The following SPTB variants were observed in gnomAD, a reference collection of about 807,000 sequenced individuals.
SPTB encodes spectrin beta chain, erythrocytic.
SPTB carries 45 observed loss-of-function variants against 256.2 expected under a neutral mutation model. That is an observed-to-expected ratio of 0.18 (90% CI 0.14 to 0.23). SPTB has a LOEUF of 0.23. Among genes scored for constraint, SPTB ranks in the 10% least tolerant of loss-of-function variants. The pLI, the probability that SPTB is intolerant of heterozygous loss-of-function variation, is 1.00. For synonymous variants in SPTB, 1,231 were observed against 1,243.1 expected, an observed-to-expected ratio of 0.99 and a Z score of 0.21; for missense variants, 2,715 against 3,040.4, an observed-to-expected ratio of 0.89 and a Z score of 2.52.
intron 2 of SPTB, among the ~76,000 whole-genome samples, chr14:64,809,439 GAGTT>G (rs557749709): frequency 2.1e-3 from 321 of 150,888 alleles, no homozygotes; most frequent in African/African-American, 7.7e-3. Flanking sequence ...TCCGCCTCCC[GAGTT>G]CAAGCGATTC....
At chr14:64,858,230 A>G (rs1456432139) in intron 1 of SPTB, among the ~76,000 whole-genome samples, 2 of 152,240 alleles carry the variant, frequency 1.3e-5, no homozygotes, top group African/African-American at 2.4e-5. Flanking sequence ...CTCACGGTGC[A>G]GTAAACAGAG....
rs1041615989 is a variant in SPTB at position 64,796,382 on chromosome 14, A to C, written c.1341+175T>G. The stretch of plus-strand genomic sequence containing the variant: ...TCTTTCCTAAAAATGAGATTTAATA[A>C]ATCCTGGAGAGCTCCTCCCCAGATG... On this transcript the variant is annotated intron_variant, in intron 11 of 35. Coordinates refer to ENST00000644917, the MANE Select transcript of SPTB (RefSeq NM_001355436.2). The surrounding 1 kb of genome is among the most constrained non-coding windows in gnomAD (Gnocchi z 4.1). Among the ~76,000 whole-genome samples, 1 of 152,108 alleles carries C rather than the reference A, an allele frequency of 6.6e-6. No individual in the cohort carries two copies. Among genetic ancestry groups the C allele is most frequent in the African/African-American group, 2.4e-5 (1 of 41,420 alleles).
intron 1 of SPTB, among the ~76,000 whole-genome samples, chr14:64,870,372 G>A (rs969582989): frequency 6.6e-6 from 1 of 151,416 alleles, no homozygotes; most frequent in African/African-American, 2.4e-5. Flanking sequence ...ACAGCAAGAG[G>A]AAAGGAGCTG....
rs1222904860 is a variant in SPTB at position 64,792,423 on chromosome 14, T to C, written c.2667-567A>G. ...TCAGTGCAGCACCACCTTGGCACTG[T>C]TCCAGAGAGCGGCCTCTCCTTCTCC... On this transcript the variant is annotated intron_variant, in intron 14 of 35. Coordinates refer to ENST00000644917, the MANE Select transcript of SPTB (RefSeq NM_001355436.2). The surrounding 1 kb of genome is among the most constrained non-coding windows in gnomAD (Gnocchi z 4.2). Among the ~76,000 whole-genome samples, 1 of 152,188 alleles carries C rather than the reference T, an allele frequency of 6.6e-6. No homozygotes were observed. The highest frequency in any genetic ancestry group is 1.5e-5 in the Non-Finnish European group (1 of 68,030).
rs2082871239 is a variant in SPTB at position 64,800,852 on chromosome 14, G to A, written c.780C>T (p.Asn260=). The A allele has an allele frequency of 6.2e-7, 1 of 1,614,046 alleles. No homozygotes were observed. Among genetic ancestry groups the A allele is most frequent in the Non-Finnish European group, 8.5e-7 (1 of 1,179,958 alleles). The change falls in exon 8 of 36, where the codon AAC becomes AAT. Residue 260 remains asparagine, a synonymous_variant. Coordinates refer to ENST00000644917, the MANE Select transcript of SPTB (RefSeq NM_001355436.2). ...AGGTGATGATGGATTTCTCATCAGG[G>A]TTTTCCGTAAAGACATCTGTTAGGG... is the stretch of plus-strand genomic sequence containing the variant. ...LLDPEDVFTE[N]PDEKSIITYV... is the part of the protein sequence containing the mutation.
chr14:64,842,631 G>A (rs1260507881), intron 1 of SPTB, among the ~76,000 whole-genome samples: 3 of 152,252 alleles, frequency 2.0e-5, no homozygotes. Context: ...CAGACACGGA[G>A]TATACAGGCT....
intron 1 of SPTB, among the ~76,000 whole-genome samples, chr14:64,833,565 G>C (rs1453858152): frequency 6.8e-6 from 1 of 148,132 alleles, no homozygotes; most frequent in East Asian, 2.0e-4. Context: ...AAAAAAAAAA[G>C]AAAAGAAACC....
intron 32 of SPTB, chr14:64,763,851 G>A (rs1230024334): frequency 9.6e-6 from 5 of 518,922 alleles, no homozygotes; most frequent in African/African-American, 1.9e-5. Context: ...TGATGTGCTT[G>A]AGAAAGAGGC....
chr14:64,801,962 G>T, intron 5 of SPTB, 128 bp from the exon 6 acceptor site: 1 of 970,946 alleles, frequency 1.0e-6, no homozygotes, highest in Non-Finnish European at 1.6e-6. Flanking sequence ...GTCACCAAGA[G>T]GGGGCAGCAG....
rs1250627127 is a variant in SPTB at position 64,824,795 on chromosome 14, T to C, written c.-51-1650A>G. Among the ~76,000 whole-genome samples the C allele has an allele frequency of 6.6e-6, 1 of 152,210 alleles. No individual in the cohort carries two copies. The highest frequency in any genetic ancestry group is 1.5e-5 in the Non-Finnish European group (1 of 68,034). On this transcript the variant is annotated intron_variant, in intron 1 of 35. Transcript: ENST00000644917. This position sits in a 1 kb window ranked among gnomAD's most constrained non-coding sequence, Gnocchi z 5.7. ...CACATTCACCAGCCCAAGTGTGAGA[T>C]GGCAGCAGGGCTACAGCCTTATTTT...
Position 64,796,459 on chromosome 14 carries a change from G to C in SPTB, c.1341+98C>G. The stretch of plus-strand genomic sequence containing the variant: ...GGAGCTGTGCTGCAAGGCACGAGGA[G>C]AGGCTGTGAGAAGCCAGCTTGGACT... On this transcript the variant is annotated intron_variant, in intron 11 of 35. Transcript: ENST00000644917. The surrounding 1 kb of genome is among the most constrained non-coding windows in gnomAD (Gnocchi z 4.1). 6.5e-7 allele frequency: 1 copy of C among 1,531,166 alleles called. No individual in the cohort carries two copies. Among genetic ancestry groups the C allele is most frequent in the Non-Finnish European group, 9.0e-7 (1 of 1,110,860 alleles). The allele number at this position is 1,531,166 out of a possible 1,614,324, so 94.8% of individuals were successfully genotyped here. A position where few individuals can be genotyped will look rare whatever the true frequency, so the allele number is the denominator to read the frequency against.
In SPTB at chr14:64,856,750, G is replaced by A. The variant is rs564877680; in HGVS notation, c.-52+23042C>T. Among the ~76,000 whole-genome samples, 4 of 152,356 alleles carry A rather than the reference G, an allele frequency of 2.6e-5. No homozygotes were observed. The Middle Eastern group carries it at 0.01, about 389-fold the overall frequency. ...TCAGAAACTCTCAAGGGAGAAGGGC[G>A]GGAGTCCTCAAGAATTTGTTTCTTG... On this transcript the variant is annotated intron_variant, in intron 1 of 35. Coordinates refer to ENST00000644917, the MANE Select transcript of SPTB (RefSeq NM_001355436.2).
rs1253531362 is a variant in SPTB, at chr14:64,796,974, A to G, written c.1183-259T>C. Among the ~76,000 whole-genome samples the G allele has an allele frequency of 6.6e-6, 1 of 152,110 alleles. No individual in the cohort carries two copies. The highest frequency in any genetic ancestry group is 2.4e-5 in the African/African-American group (1 of 41,414). On this transcript the variant is annotated intron_variant, in intron 10 of 35. Coordinates refer to ENST00000644917, the MANE Select transcript of SPTB (RefSeq NM_001355436.2). This position sits in a 1 kb window ranked among gnomAD's most constrained non-coding sequence, Gnocchi z 4.1. ...CTGCCTCAGACTCTTGGCCCAAAAT[A>G]ATGTTTTTCACCTCTCTGGATGCTC...
In SPTB at chr14:64,772,606, G is replaced by C. The variant is rs553755523; in HGVS notation, c.5527C>G (p.Arg1843Gly). ...TGGACACCCAGCAGGTGGAGCTCCC[G>C]CTCGAAGGCTGTGTGCACCCGGTGG... ...SFHRVHTAFE[R>G]ELHLLGVQVQ... The change falls in exon 26 of 36, where the codon CGG becomes GGG. Residue 1843 changes from arginine (R) to glycine (G), a missense_variant. This residue lies in a region of SPTB where 2,239 missense variants were observed against 2,384.4 expected (regional missense o/e 0.94). Transcript: ENST00000644917. This position sits in a 1 kb window ranked among gnomAD's most constrained non-coding sequence, Gnocchi z 5.4. The C allele has an allele frequency of 1.9e-6, 3 of 1,610,318 alleles. No homozygotes were observed. Among genetic ancestry groups the C allele is most frequent in the East Asian group, 2.2e-5 (1 of 44,878 alleles).
Position 64,790,016 on chromosome 14 carries a change from TCTC to T in SPTB, c.2804+1700_2804+1702del, listed in dbSNP as rs1470899097. ...GAGGAACCAGGGTAAGTGTGATATC[TCTC>T]AAGGGCAGAGCCAGAATCAATATGT... is the stretch of plus-strand genomic sequence containing the variant. On this transcript the variant is annotated intron_variant, in intron 15 of 35. Coordinates refer to ENST00000644917, the MANE Select transcript of SPTB (RefSeq NM_001355436.2). This position sits in a 1 kb window ranked among gnomAD's most constrained non-coding sequence, Gnocchi z 4.8. Among the ~76,000 whole-genome samples the T allele has an allele frequency of 6.6e-6, 1 of 152,118 alleles. No individual in the cohort carries two copies. The highest frequency in any genetic ancestry group is 2.4e-5 in the African/African-American group (1 of 41,408).
At position 64,786,200 on chromosome 14, in the gene SPTB, C is replaced by T. The variant is rs1340811819; in HGVS notation, c.3561+204G>A. ...AGGGCAAAATGCGCTTCTCTAGCCT[C>T]TGATAGACCCAAGAACAAGGCGTAG... On this transcript the variant is annotated intron_variant, in intron 16 of 35. Transcript: ENST00000644917. The surrounding 1 kb of genome is among the most constrained non-coding windows in gnomAD (Gnocchi z 5.6). 3.3e-5 allele frequency among the ~76,000 whole-genome samples: 5 copies of T among 152,174 alleles called. No homozygotes were observed. Among genetic ancestry groups the T allele is most frequent in the African/African-American group, 1.2e-4 (5 of 41,430 alleles).
intron 10 of SPTB, among the ~76,000 whole-genome samples, chr14:64,797,191 G>A (rs1449993807): frequency 3.3e-5 from 5 of 152,118 alleles, no homozygotes; most frequent in Non-Finnish European, 5.9e-5. Flanking sequence ...TGGACTCGGA[G>A]GCTGGGTGTG....
At chr14:64,810,227 G>A (rs561084934) in intron 2 of SPTB, among the ~76,000 whole-genome samples, 6 of 152,260 alleles carry the variant, frequency 3.9e-5, no homozygotes, top group African/African-American at 9.6e-5. Flanking sequence ...TGATACAGGT[G>A]GCATTTCTAA....
chr14:64,819,392 A>AAAT (rs1009447064), intron 2 of SPTB, among the ~76,000 whole-genome samples: 1 of 152,238 alleles, frequency 6.6e-6, no homozygotes, highest in African/African-American at 2.4e-5. Flanking sequence ...TTCCAACCAT[A>AAAT]GGTCATTAAA....
Sources: allele counts gnomAD v4.1 joint callset (sites outside exome capture counted in the v4.1 genomes callset), GRCh38; gene constraint gnomAD v4.1.1; regional missense constraint gnomAD v4.1.1; non-coding constraint Gnocchi (gnomAD v3.1); transcripts MANE v1.5; gene names NCBI Gene and HGNC (gene_info 2026-07-23, HGNC 2026-07-21).